Variants in GLYATL2 observed in about 807,000 individuals in gnomAD.
The protein encoded by GLYATL2 is glycine-N-acyltransferase like 2, also known as glycine N-acyltransferase-like protein 2.
In GLYATL2, 25 loss-of-function variants were observed where a neutral mutation model predicts 21.4. That is an observed-to-expected ratio of 1.17 (90% CI 0.85 to 1.63). The LOEUF (loss-of-function observed/expected upper bound fraction) is 1.63, where lower values mean the gene tolerates loss of function less well. Ranked by LOEUF, GLYATL2 falls within the 40% of genes most tolerant of loss-of-function variation. The pLI is 0.00. For missense variants in GLYATL2, 361 were observed against 343.3 expected (o/e 1.05, Z -0.41); for synonymous variants, 114 against 118.2 (o/e 0.96, Z 0.23).
intron 1 of GLYATL2, among the ~76,000 whole-genome samples, chr11:58,855,651 T>C (rs1369834126): frequency 6.6e-6 from 1 of 152,256 alleles, no homozygotes; most frequent in Admixed American, 6.5e-5. Context: ...AGGCATTGTC[T>C]TCCCCTTTCC....
At chr11:58,866,290 A>G (rs1854022381) in intron 1 of GLYATL2, among the ~76,000 whole-genome samples, 1 of 148,964 alleles carries the variant, frequency 6.7e-6, no homozygotes, top group Non-Finnish European at 1.5e-5. Flanking sequence ...AATTGGTGCT[A>G]TCTTTTTGAC....
At chr11:58,896,241 G>A (rs958849640) in intron 1 of GLYATL2, among the ~76,000 whole-genome samples, 34 of 152,062 alleles carry the variant, frequency 2.2e-4, no homozygotes, top group South Asian at 2.1e-4. Flanking sequence ...AGTTTGGGGT[G>A]GAATGGCCAG....
intron 1 of GLYATL2, among the ~76,000 whole-genome samples, chr11:58,842,334 T>G (rs183675409): frequency 1.3e-5 from 2 of 152,308 alleles, no homozygotes; most frequent in East Asian, 3.9e-4. Flanking sequence ...AATAATGTCA[T>G]TTTGTTCAAT....
intron 1 of GLYATL2, among the ~76,000 whole-genome samples, chr11:58,885,857 C>G (rs556554771): frequency 6.6e-6 from 1 of 152,240 alleles, no homozygotes; most frequent in East Asian, 1.9e-4. Context: ...AGGAAAAGTT[C>G]GGTGTCTGAG....
At chr11:58,835,032 A>G (rs1853404089) in intron 5 of GLYATL2, among the ~76,000 whole-genome samples, 195 bp from the exon 6 acceptor site, 1 of 152,178 alleles carries the variant, frequency 6.6e-6, no homozygotes, top group Non-Finnish European at 1.5e-5. Flanking sequence ...TGTGTGTTTT[A>G]CGGCCCATTT....
upstream of GLYATL2, chr11:58,907,286 T>C (rs1339372390): frequency 8.8e-6 from 4 of 456,308 alleles, no homozygotes; most frequent in Non-Finnish European, 1.8e-5. Context: ...CACCTTGGTC[T>C]CTCAGCTTTG....
intron 1 of GLYATL2, among the ~76,000 whole-genome samples, chr11:58,876,831 T>C (rs1854242706): frequency 1.3e-5 from 2 of 152,258 alleles, no homozygotes. Flanking sequence ...GACAAGGACA[T>C]TTAAGTCTGC....
At chr11:58,843,580 G>T (rs1853590988) in intron 1 of GLYATL2, among the ~76,000 whole-genome samples, 1 of 151,922 alleles carries the variant, frequency 6.6e-6, no homozygotes, top group Non-Finnish European at 1.5e-5. Context: ...AGAAATGAGA[G>T]ATTGAAACTT....
chr11:58,857,840 C>T (rs1412055416), intron 1 of GLYATL2, among the ~76,000 whole-genome samples: 5 of 147,772 alleles, frequency 3.4e-5, no homozygotes, highest in African/African-American at 7.6e-5. Flanking sequence ...TCACTGTTGC[C>T]TGTCTCCTGA....
At chr11:58,865,506 A>T (rs966863639) in intron 1 of GLYATL2, among the ~76,000 whole-genome samples, 1 of 149,236 alleles carries the variant, frequency 6.7e-6, no homozygotes, top group African/African-American at 2.4e-5. Flanking sequence ...TGCAGTATTT[A>T]TCACAAAATG....
At chr11:58,882,244 T>C (rs1469200613) in intron 1 of GLYATL2, among the ~76,000 whole-genome samples, 1 of 152,218 alleles carries the variant, frequency 6.6e-6, no homozygotes, top group Admixed American at 6.5e-5. Context: ...CAGCACCTGT[T>C]GTTTCCTGAC....
intron 1 of GLYATL2, among the ~76,000 whole-genome samples, chr11:58,901,274 T>A (rs901394785): frequency 1.3e-5 from 2 of 152,130 alleles, no homozygotes; most frequent in African/African-American, 2.4e-5. Context: ...CAAAACAGGA[T>A]CTCTACCGAT....
At chr11:58,869,144 T>G (rs967883096) in intron 1 of GLYATL2, among the ~76,000 whole-genome samples, 5 of 152,220 alleles carry the variant, frequency 3.3e-5, no homozygotes, top group African/African-American at 1.2e-4. Context: ...TGTACACTTT[T>G]GGGGCTTGAC....
intron 1 of GLYATL2, among the ~76,000 whole-genome samples, chr11:58,857,427 C>T (rs947273295): frequency 6.6e-6 from 1 of 152,136 alleles, no homozygotes; most frequent in Non-Finnish European, 1.5e-5. Flanking sequence ...CTGGAACAGC[C>T]TCCTCCTCCT....
intron 1 of GLYATL2, among the ~76,000 whole-genome samples, chr11:58,857,610 C>G (rs1003634085): frequency 5.9e-5 from 9 of 152,166 alleles, no homozygotes; most frequent in Admixed American, 1.3e-4. Context: ...GAACCACTAC[C>G]CCAGGTTGTG....
chr11:58,869,208 T>C (rs952872494), intron 1 of GLYATL2, among the ~76,000 whole-genome samples: 1 of 152,240 alleles, frequency 6.6e-6, no homozygotes, highest in African/African-American at 2.4e-5. Flanking sequence ...GTGTCTGATA[T>C]AGTCACGGGA....
chr11:58,878,998 T>C (rs498036), intron 1 of GLYATL2, among the ~76,000 whole-genome samples: 134,748 of 152,160 alleles, frequency 0.89, 60,877 homozygotes, highest in Non-Finnish European at 0.98. Context: ...TCTTTGTTGA[T>C]GGCTGTGGGT....
intron 1 of GLYATL2, among the ~76,000 whole-genome samples, chr11:58,866,414 T>C (rs1184207572): frequency 6.7e-6 from 1 of 148,854 alleles, no homozygotes; most frequent in African/African-American, 2.4e-5. Context: ...GCCACCATCA[T>C]TTCAAGGTCT....
intron 1 of GLYATL2, among the ~76,000 whole-genome samples, chr11:58,903,977 T>A (rs912223971): frequency 1.3e-5 from 2 of 152,202 alleles, no homozygotes; most frequent in South Asian, 4.1e-4. Flanking sequence ...TTCCTCAGAC[T>A]TCCCCATATC....
Sources: allele counts gnomAD v4.1 joint callset (sites outside exome capture counted in the v4.1 genomes callset), GRCh38; gene constraint gnomAD v4.1.1; transcripts MANE v1.5; gene names NCBI Gene and HGNC (gene_info 2026-07-23, HGNC 2026-07-21).